Variants in ARID1A observed in about 807,000 individuals in gnomAD.
The protein encoded by ARID1A is AT-rich interactive domain-containing protein 1A.
ARID1A carries 20 observed loss-of-function variants against 212.6 expected under a neutral mutation model. That is an observed-to-expected ratio of 0.09 (90% CI 0.07 to 0.14). ARID1A has a LOEUF of 0.14. Ranked by LOEUF, ARID1A falls within the 10% of genes least tolerant of loss-of-function variation. The pLI, the probability that ARID1A is intolerant of heterozygous loss-of-function variation, is 1.00. For missense variants in ARID1A, 2,587 were observed against 3,059.0 expected, an observed-to-expected ratio of 0.85 and a Z score of 3.64; for synonymous variants, 1,376 against 1,222.1, an observed-to-expected ratio of 1.13 and a Z score of -2.63.
intron 4 of ARID1A, among the ~76,000 whole-genome samples, chr1:26,736,946 C>T (rs1297214496): frequency 6.7e-6 from 1 of 148,194 alleles, no homozygotes; most frequent in Admixed American, 6.7e-5. Context: ...ATAAGGCCTA[C>T]AAAAACTATA....
chr1:26,779,755 A>G lies in ARID1A; in HGVS notation c.5857A>G (p.Lys1953Glu), dbSNP rs2081173684. 1 of 1,614,014 alleles carries G rather than the reference A, an allele frequency of 6.2e-7. No individual in the cohort carries two copies. Among genetic ancestry groups the G allele is most frequent in the Admixed American group, 1.7e-5 (1 of 60,000 alleles). The change falls in exon 20 of 20, where the codon AAG (lysine) becomes GAG (glutamate). Residue 1953 changes from lysine to glutamate, a missense_variant. Transcript: ENST00000324856. ...CCCAGCACAGAGCCACCGGAACATC[A>G]AGATCCTAGAGGACGAACCCCACAG... The part of the protein sequence containing the change: ...ISPAQSHRNI[K>E]ILEDEPHSKD...
Position 26,696,317 on chromosome 1 carries a change from C to G in ARID1A, c.-87C>G, listed in dbSNP as rs1570537747. On this transcript the variant is annotated 5_prime_UTR_variant, in exon 1 of 20. Transcript: ENST00000324856. ...GCCCGGGCGGGTGGGGAGGGCAGCC[C>G]GGGGGACTGGGCCCCGGGGCGGGGT... 9.5e-7 allele frequency: 1 copy of G among 1,053,830 alleles called. No homozygotes were observed. Among genetic ancestry groups the G allele is most frequent in the Non-Finnish European group, 1.1e-6 (1 of 889,774 alleles). 65.3% of individuals were successfully genotyped at this position (1,053,830 alleles called of 1,614,324 possible). A position where few individuals can be genotyped will look rare whatever the true frequency, so the allele number is the denominator to read the frequency against.
chr1:26,724,682 A>G (rs1000981635), intron 1 of ARID1A, among the ~76,000 whole-genome samples: 5 of 152,104 alleles, frequency 3.3e-5, no homozygotes, highest in Admixed American at 1.3e-4. Context: ...TTTGGGGGTC[A>G]TTTTGGTTTT....
At position 26,696,087 on chromosome 1, in the gene ARID1A, C is replaced by T. The variant is rs1557568436; in HGVS notation, c.-317C>T. On this transcript the variant is annotated 5_prime_UTR_variant, in exon 1 of 20. Coordinates refer to ENST00000324856, the MANE Select transcript of ARID1A (RefSeq NM_006015.6). ...CCTGGGGAGCGGAGCCTCCACCGCC[C>T]CCCTCATTCCCAGGCAAGGGCTTGG... 4.3e-6 allele frequency: 2 copies of T among 470,378 alleles called. No individual in the cohort carries two copies. The highest frequency in any genetic ancestry group is 9.4e-5 in the South Asian group (1 of 10,690). The allele number at this position is 470,378 out of a possible 1,614,324, so 29.1% of individuals were successfully genotyped here.
At chr1:26,725,860 T>C (rs1188445613) in intron 1 of ARID1A, among the ~76,000 whole-genome samples, 1 of 150,476 alleles carries the variant, frequency 6.6e-6, no homozygotes, top group East Asian at 1.9e-4. Context: ...ACCTTTTTTT[T>C]TTTTTTTTTT....
rs1570608258 is a variant in ARID1A, at chr1:26,766,679, A to G, written c.2988+113A>G. ...CCAGCCTTTTATGACACCGGACTAGATAGTCTCTGAAAAAGCTGCTGTTGC... is the reference window on the plus strand; with the variant it reads ...CCAGCCTTTTATGACACCGGACTAGGTAGTCTCTGAAAAAGCTGCTGTTGC... On this transcript the variant is annotated intron_variant, in intron 10 of 19. Coordinates refer to ENST00000324856, the MANE Select transcript of ARID1A (RefSeq NM_006015.6). 7.2e-6 allele frequency: 8 copies of G among 1,109,898 alleles called. No homozygotes were observed. In the East Asian group the frequency reaches 1.8e-4, roughly 25 times the overall value. 68.8% of individuals were successfully genotyped at this position (1,109,898 alleles called of 1,614,324 possible).
chr1:26,728,374 G>T (rs775039854), intron 1 of ARID1A, among the ~76,000 whole-genome samples: 1 of 152,046 alleles, frequency 6.6e-6, no homozygotes, highest in East Asian at 1.9e-4. Flanking sequence ...AAACAAACAC[G>T]TACAGAGAAC....
intron 1 of ARID1A, among the ~76,000 whole-genome samples, chr1:26,718,440 G>A (rs893144044): frequency 1.3e-5 from 2 of 152,140 alleles, no homozygotes; most frequent in African/African-American, 2.4e-5. Flanking sequence ...TCTGTGCGGC[G>A]ATATCTTCCA....
At chr1:26,756,381 C>G (rs897154171) in intron 4 of ARID1A, among the ~76,000 whole-genome samples, 1 of 151,868 alleles carries the variant, frequency 6.6e-6, no homozygotes, top group East Asian at 2.0e-4. Flanking sequence ...CATGTTGAAA[C>G]CCCGTCTCTA....
rs201547182 is a variant in ARID1A at position 26,780,781 on chromosome 1, C to G, written c.*25C>G. 2.4e-5 allele frequency: 37 copies of G among 1,539,846 alleles called. No individual in the cohort carries two copies. In the South Asian group the frequency reaches 3.8e-4, roughly 16 times the overall value. On this transcript the variant is annotated 3_prime_UTR_variant, in exon 20 of 20. Transcript: ENST00000324856. The surrounding 1 kb of genome is among the most constrained non-coding windows in gnomAD (Gnocchi z 7.2). ...ACAGCCGTGGGACACCTCCCCCCCC[C>G]GTGTGTGTGTGCGTGTGTGGAGAAC...
At position 26,756,812 on chromosome 1, in the gene ARID1A, C is replaced by T. The variant is rs559439915; in HGVS notation, c.1921-4044C>T. ...GCGCCTTCCAGATTCACGCCATTCT[C>T]CTGCCTCAGCCTCCCGAGTAGCTGG... On this transcript the variant is annotated intron_variant, in intron 4 of 19. Transcript: ENST00000324856. 1.5e-3 allele frequency among the ~76,000 whole-genome samples: 235 copies of T among 151,794 alleles called. 1 individual carries two copies. The highest frequency in any genetic ancestry group is 2.2e-3 in the Non-Finnish European group (152 of 67,964).
At chr1:26,777,675 G>A (rs2081149216) in intron 19 of ARID1A, among the ~76,000 whole-genome samples, 1 of 152,186 alleles carries the variant, frequency 6.6e-6, no homozygotes, top group Non-Finnish European at 1.5e-5. Context: ...GCTCACGCCT[G>A]TAATCCCAGC....
chr1:26,703,892 C>T (rs1235205726), intron 1 of ARID1A, among the ~76,000 whole-genome samples: 1 of 152,174 alleles, frequency 6.6e-6, no homozygotes, highest in Non-Finnish European at 1.5e-5. Context: ...ACTTGAAAAG[C>T]AAGGTTTCAT....
intron 4 of ARID1A, among the ~76,000 whole-genome samples, chr1:26,755,659 C>T (rs2080922082): frequency 6.6e-6 from 1 of 152,096 alleles, no homozygotes; most frequent in African/African-American, 2.4e-5. Context: ...CTATGGTGAG[C>T]CTGGTTTTTT....
chr1:26,747,252 G>A (rs1217971787), intron 4 of ARID1A, among the ~76,000 whole-genome samples: 1 of 152,178 alleles, frequency 6.6e-6, no homozygotes, highest in Non-Finnish European at 1.5e-5. Context: ...TTCCCTGCCT[G>A]TTATCAGCAT....
intron 1 of ARID1A, among the ~76,000 whole-genome samples, chr1:26,719,394 G>A (rs2124773197): frequency 6.6e-6 from 1 of 152,270 alleles, no homozygotes; most frequent in Non-Finnish European, 1.5e-5. Context: ...TTTCTTTACT[G>A]GCCAGGCACT....
At chr1:26,697,642 GC>G in intron 1 of ARID1A, 102 bp downstream of exon 1, 1 of 1,133,092 alleles carries the variant, frequency 8.8e-7, no homozygotes, top group Non-Finnish European at 1.1e-6. Context: ...TCAGTCCCGG[GC>G]CCCCACTGCT....
Position 26,731,618 on chromosome 1 carries a change from G to C in ARID1A, c.1803+14G>C, listed in dbSNP as rs2124790650. ...CCTCCACCGCAGGTAAGATATCCCT[G>C]CCTCCTGCCCTTCCCTGTGTGTGAC... On this transcript the variant is annotated intron_variant, in intron 3 of 19. Coordinates refer to ENST00000324856, the MANE Select transcript of ARID1A (RefSeq NM_006015.6). 1.2e-6 allele frequency: 2 copies of C among 1,611,018 alleles called. No individual in the cohort carries two copies. The highest frequency in any genetic ancestry group is 1.7e-6 in the Non-Finnish European group (2 of 1,177,632).
At chr1:26,745,578 C>T (rs1336683119) in intron 4 of ARID1A, among the ~76,000 whole-genome samples, 1 of 152,164 alleles carries the variant, frequency 6.6e-6, no homozygotes. Flanking sequence ...CACCCCATTC[C>T]CGTCTCCCCT....
Sources: gnomAD v4.1 joint callset for allele counts (sites outside exome capture counted in the v4.1 genomes callset) on GRCh38, gnomAD v4.1.1 for gene constraint, Gnocchi (gnomAD v3.1) non-coding constraint, MANE v1.5 for transcripts, NCBI Gene and HGNC (gene_info 2026-07-23, HGNC 2026-07-21) for gene names.